ARHGEF28: variants seen among roughly 807,000 people sequenced by gnomAD.
ARHGEF28 encodes the protein Rho guanine nucleotide exchange factor 28.
Under a neutral mutation model 206.6 loss-of-function variants are expected in ARHGEF28, and 152 were observed. The observed-to-expected ratio is 0.74, with a 90% CI of 0.64 to 0.84. The LOEUF is 0.84. ARHGEF28 is among the 40% of genes least tolerant of loss of function. The pLI is 0.00. For synonymous variants in ARHGEF28, 763 were observed against 776.4 expected, an observed-to-expected ratio of 0.98 and a Z score of 0.29; for missense variants, 2,028 against 2,073.2, an observed-to-expected ratio of 0.98 and a Z score of 0.42.
chr5:73,791,913 T>C (rs1208205206), intron 7 of ARHGEF28, among the ~76,000 whole-genome samples: 3 of 152,208 alleles, frequency 2.0e-5, no homozygotes, highest in Admixed American at 6.5e-5. Context: ...TACCATTATC[T>C]GCTAAAGGTT....
chr5:73,844,699 T>C (rs1758198550), intron 11 of ARHGEF28, among the ~76,000 whole-genome samples: 1 of 148,586 alleles, frequency 6.7e-6, no homozygotes, highest in Admixed American at 6.7e-5. Flanking sequence ...TTTCTGGTTC[T>C]TGTATTTCAA....
chr5:73,755,844 A>G (rs1044014921), intron 4 of ARHGEF28, among the ~76,000 whole-genome samples: 2 of 152,176 alleles, frequency 1.3e-5, no homozygotes, highest in Non-Finnish European at 2.9e-5. Flanking sequence ...TTTAGCTGTC[A>G]TGGCCTTTGA....
At chr5:73,879,409 CCTT>C (rs1300456533) in intron 22 of ARHGEF28, among the ~76,000 whole-genome samples, 5 of 152,144 alleles carry the variant, frequency 3.3e-5, no homozygotes, top group African/African-American at 7.2e-5. Context: ...TCATCTGGAG[CCTT>C]CTTCTCTCAA....
intron 7 of ARHGEF28, among the ~76,000 whole-genome samples, chr5:73,787,149 T>C (rs1213719292): frequency 6.6e-6 from 1 of 152,198 alleles, no homozygotes; most frequent in Non-Finnish European, 1.5e-5. Flanking sequence ...TATCAAGATA[T>C]AGGTCCTTTA....
intron 9 of ARHGEF28, among the ~76,000 whole-genome samples, chr5:73,802,802 T>G (rs76251275): frequency 4.0e-5 from 6 of 151,616 alleles, no homozygotes; most frequent in Non-Finnish European, 7.4e-5. Flanking sequence ...AGAATACCCA[T>G]GTATATAGGC....
In ARHGEF28 at chr5:73,776,661, C is replaced by T. The variant is rs763389651; in HGVS notation, c.805C>T (p.Arg269Trp). The T allele has an allele frequency of 2.9e-5, 46 of 1,613,254 alleles. No individual in the cohort carries two copies. Among genetic ancestry groups the T allele is most frequent in the African/African-American group, 6.7e-5 (5 of 74,892 alleles). Residue 269 changes from arginine to tryptophan, a missense_variant, in exon 6 of 36, where the codon CGG becomes TGG. By Grantham distance (101) the Arg-to-Trp change is moderately radical (BLOSUM62 -3). Transcript: ENST00000513042. ...GTTGGAGGCAGATATTAAACTCTTCCGGAAATACTTTTGGGATAGAGCCTT... is the reference window on the plus strand; with the variant it reads ...GTTGGAGGCAGATATTAAACTCTTCTGGAAATACTTTTGGGATAGAGCCTT... ...HLLEADIKLF[R>W]KYFWDRAFLV...
At chr5:73,658,313 T>C (rs960768114) in intron 1 of ARHGEF28, among the ~76,000 whole-genome samples, 1 of 152,152 alleles carries the variant, frequency 6.6e-6, no homozygotes, top group African/African-American at 2.4e-5. Flanking sequence ...AGACTAAGAA[T>C]TCCTGATGGC....
chr5:73,835,597 C>T (rs1431557039), intron 10 of ARHGEF28, among the ~76,000 whole-genome samples: 1 of 152,078 alleles, frequency 6.6e-6, no homozygotes, highest in Non-Finnish European at 1.5e-5. Flanking sequence ...GAGTTCCTTG[C>T]CCTAAGCATC....
chr5:73,776,450 A>C, intron 5 of ARHGEF28, 66 bp from the exon 6 acceptor site: 1 of 1,426,096 alleles, frequency 7.0e-7, no homozygotes, highest in African/African-American at 1.4e-5. Flanking sequence ...CAGTGATCCT[A>C]AGGGCTGGGA....
chr5:73,744,090 G>C (rs113559286), intron 2 of ARHGEF28, among the ~76,000 whole-genome samples: 6 of 152,160 alleles, frequency 3.9e-5, no homozygotes, highest in African/African-American at 1.4e-4. Flanking sequence ...AAACACACAA[G>C]AAAGCACTGT....
At chr5:73,905,820 T>G (rs1762519288) in intron 33 of ARHGEF28, among the ~76,000 whole-genome samples, 1 of 152,172 alleles carries the variant, frequency 6.6e-6, no homozygotes, top group Non-Finnish European at 1.5e-5. Flanking sequence ...TTTGTTTAGG[T>G]TTTCAATAGA....
intron 9 of ARHGEF28, 39 bp downstream of exon 9, chr5:73,795,430 C>T (rs1386624719): frequency 6.5e-7 from 1 of 1,548,966 alleles, no homozygotes; most frequent in Non-Finnish European, 8.9e-7. Flanking sequence ...GTAGGGGCAT[C>T]CCAGATCCAG....
chr5:73,897,989 C>T lies in ARHGEF28; in HGVS notation c.3869C>T (p.Ala1290Val). 2 of 1,590,994 alleles carry T rather than the reference C, an allele frequency of 1.3e-6. No individual in the cohort carries two copies. The highest frequency in any genetic ancestry group is 1.7e-6 in the Non-Finnish European group (2 of 1,167,948). Residue 1290 changes from alanine to valine, a missense_variant, in exon 30 of 36, where the codon GCC becomes GTC. Around this residue, in one of 3 missense-constraint regions of ARHGEF28, gnomAD observed 803 missense variants for 768.0 expected, o/e 1.05. Transcript: ENST00000513042. ...EAESLQVAVK[A>V]SQMGAVSQSC... ...GAGAGCCTACAAGTTGCAGTGAAGG[C>T]CTCACAGATGGGCGCCGTGAGTCAA...
At chr5:73,746,965 G>T (rs1037280111) in intron 2 of ARHGEF28, among the ~76,000 whole-genome samples, 3 of 152,126 alleles carry the variant, frequency 2.0e-5, no homozygotes, top group African/African-American at 7.2e-5. Context: ...GAATAAGCTT[G>T]TTGAGTTTCA....
At chr5:73,846,216 C>T (rs933222066) in intron 11 of ARHGEF28, 52 bp from the exon 12 acceptor site, 81 of 1,530,936 alleles carry the variant, frequency 5.3e-5, no homozygotes, top group African/African-American at 6.9e-5. Flanking sequence ...AAACCAATGA[C>T]GCTCTGTGTC....
intron 1 of ARHGEF28, among the ~76,000 whole-genome samples, chr5:73,665,197 G>A (rs575854110): frequency 6.6e-6 from 1 of 152,164 alleles, no homozygotes; most frequent in East Asian, 1.9e-4. Flanking sequence ...AAAACAATTT[G>A]CCTCACATCC....
chr5:73,697,938 T>A (rs1748326077), intron 2 of ARHGEF28, among the ~76,000 whole-genome samples: 1 of 152,188 alleles, frequency 6.6e-6, no homozygotes, highest in South Asian at 2.1e-4. Flanking sequence ...ATGACAGATT[T>A]TAAGTTTCAA....
chr5:73,813,399 C>A, intron 9 of ARHGEF28: 1 of 1,208,902 alleles, frequency 8.3e-7, no homozygotes, highest in Non-Finnish European at 1.1e-6. Flanking sequence ...CCTTGTCGGT[C>A]TACACGCCTG....
intron 6 of ARHGEF28, chr5:73,778,407 A>G (rs1465779522): frequency 6.6e-6 from 1 of 152,250 alleles, no homozygotes; most frequent in Non-Finnish European, 1.5e-5. Context: ...GAGTAAATCT[A>G]GATACCTCAA....
Sources: allele counts gnomAD v4.1 joint callset (sites outside exome capture counted in the v4.1 genomes callset), GRCh38; gene constraint gnomAD v4.1.1; regional missense constraint gnomAD v4.1.1; transcripts MANE v1.5; gene names NCBI Gene and HGNC (gene_info 2026-07-23, HGNC 2026-07-21).